Variants in PLXNA4 observed in about 807,000 individuals in gnomAD.
The protein encoded by PLXNA4 is plexin-A4.
In PLXNA4, 44 loss-of-function variants were observed where a neutral mutation model predicts 191.8. The observed-to-expected ratio is 0.23, with a 90% confidence interval of 0.18 to 0.29. PLXNA4 has a LOEUF of 0.29. Among genes scored for constraint, PLXNA4 ranks in the 10% least tolerant of loss-of-function variants. PLXNA4 has a pLI of 1.00. For missense variants in PLXNA4, 1,800 were observed against 2,488.8 expected, an observed-to-expected ratio of 0.72 and a Z score of 5.89; for synonymous variants, 1,082 against 1,009.5, an observed-to-expected ratio of 1.07 and a Z score of -1.36.
At chr7:132,291,514 G>C (rs1485489167) in intron 4 of PLXNA4, among the ~76,000 whole-genome samples, 1 of 152,170 alleles carries the variant, frequency 6.6e-6, no homozygotes, top group Non-Finnish European at 1.5e-5. Flanking sequence ...GCTTGGCTCA[G>C]AGCAGGTGCT....
At chr7:132,542,375 G>C (rs1800122414) in intron 1 of PLXNA4, among the ~76,000 whole-genome samples, 1 of 152,210 alleles carries the variant, frequency 6.6e-6, no homozygotes, top group Non-Finnish European at 1.5e-5. Flanking sequence ...TGGGGGAATA[G>C]TATAGGCCAA....
chr7:132,308,898 G>A (rs946610193), intron 3 of PLXNA4, among the ~76,000 whole-genome samples: 3 of 152,036 alleles, frequency 2.0e-5, no homozygotes, highest in African/African-American at 7.2e-5. Flanking sequence ...AGGTTAGAAG[G>A]TTTCTATATG....
intron 1 of PLXNA4, among the ~76,000 whole-genome samples, chr7:132,533,098 A>G (rs1799690228): frequency 6.6e-6 from 1 of 152,212 alleles, no homozygotes; most frequent in Non-Finnish European, 1.5e-5. Flanking sequence ...CTGTATACAC[A>G]TTATCATTAT....
At chr7:132,488,803 C>T (rs1045998600) in intron 3 of PLXNA4, among the ~76,000 whole-genome samples, 5 of 152,186 alleles carry the variant, frequency 3.3e-5, no homozygotes, top group Admixed American at 6.5e-5. Flanking sequence ...GTTTTCTCAG[C>T]CCACAACTTG....
chr7:132,574,469 G>A (rs1034694302), intron 1 of PLXNA4, among the ~76,000 whole-genome samples: 2 of 152,262 alleles, frequency 1.3e-5, no homozygotes, highest in African/African-American at 2.4e-5. Context: ...CAGCCCGGAA[G>A]ACAGAGGTGG....
chr7:132,159,858 C>T (rs566536162), intron 24 of PLXNA4, among the ~76,000 whole-genome samples: 32 of 152,264 alleles, frequency 2.1e-4, no homozygotes, highest in African/African-American at 7.0e-4. Context: ...TGAGGGAGTG[C>T]GAGCTGCACA....
chr7:132,274,014 A>T (rs999170325), intron 4 of PLXNA4, among the ~76,000 whole-genome samples: 1 of 150,738 alleles, frequency 6.6e-6, no homozygotes, highest in Non-Finnish European at 1.5e-5. Flanking sequence ...TAAAAAAAAA[A>T]GGGGGCAACA....
At chr7:132,509,347 C>T (rs1188494077) in intron 1 of PLXNA4, among the ~76,000 whole-genome samples, 1 of 152,224 alleles carries the variant, frequency 6.6e-6, no homozygotes, top group Non-Finnish European at 1.5e-5. Flanking sequence ...CTCACTATTA[C>T]TATCCACCCA....
chr7:132,236,746 C>G (rs1455610730), intron 5 of PLXNA4, among the ~76,000 whole-genome samples: 1 of 152,152 alleles, frequency 6.6e-6, no homozygotes, highest in Non-Finnish European at 1.5e-5. Context: ...AGCAATTAAA[C>G]CTCCCACTCT....
At chr7:132,379,798 C>A (rs1390389826) in intron 3 of PLXNA4, among the ~76,000 whole-genome samples, 1 of 152,236 alleles carries the variant, frequency 6.6e-6, no homozygotes, top group Admixed American at 6.5e-5. Flanking sequence ...CACAGTCACT[C>A]TGCAAATTTC....
chr7:132,189,407 G>A (rs773577797), intron 14 of PLXNA4, among the ~76,000 whole-genome samples: 65 of 152,150 alleles, frequency 4.3e-4, no homozygotes, highest in Non-Finnish European at 8.4e-4. Flanking sequence ...GTAGAGGGAA[G>A]GGGGAAAGCA....
At chr7:132,301,899 C>T (rs539443823) in intron 3 of PLXNA4, among the ~76,000 whole-genome samples, 1 of 152,336 alleles carries the variant, frequency 6.6e-6, no homozygotes, top group East Asian at 1.9e-4. Flanking sequence ...TCATTCTCAT[C>T]TTCCTGATGA....
At chr7:132,529,903 C>T (rs1033744443) in intron 1 of PLXNA4, among the ~76,000 whole-genome samples, 6 of 152,256 alleles carry the variant, frequency 3.9e-5, no homozygotes, top group East Asian at 3.9e-4. Context: ...CCGCGCCTGG[C>T]CCCCCTAATG....
intron 2 of PLXNA4, among the ~76,000 whole-genome samples, chr7:132,625,070 C>G (rs77833393): frequency 6.6e-6 from 1 of 152,184 alleles, no homozygotes; most frequent in African/African-American, 2.4e-5. Context: ...TTGGCCTTCA[C>G]GATTTTTTCT....
At chr7:132,401,458 G>C (rs1324583390) in intron 3 of PLXNA4, among the ~76,000 whole-genome samples, 1 of 152,202 alleles carries the variant, frequency 6.6e-6, no homozygotes, top group Admixed American at 6.5e-5. Flanking sequence ...GGGAAGGTGA[G>C]ACACACACAT....
At chr7:132,480,762 C>T (rs933569875) in intron 3 of PLXNA4, among the ~76,000 whole-genome samples, 6 of 152,322 alleles carry the variant, frequency 3.9e-5, no homozygotes, top group South Asian at 2.1e-4. Flanking sequence ...ACCTCCCACT[C>T]GGCCACGGGA....
intron 3 of PLXNA4, among the ~76,000 whole-genome samples, chr7:132,483,801 AACAGAATG>A (rs1563125565): frequency 6.6e-6 from 1 of 152,216 alleles, no homozygotes; most frequent in Non-Finnish European, 1.5e-5. Context: ...TCACTTGGAA[AACAGAATG>A]ACAAGTGTTC....
intron 3 of PLXNA4, among the ~76,000 whole-genome samples, chr7:132,378,160 T>C (rs1339676357): frequency 6.6e-6 from 1 of 152,220 alleles, no homozygotes; most frequent in East Asian, 1.9e-4. Flanking sequence ...TCAAGAGTCA[T>C]GACGGTACCT....
intron 3 of PLXNA4, among the ~76,000 whole-genome samples, chr7:132,481,441 C>A (rs1433807092): frequency 6.6e-6 from 1 of 152,020 alleles, no homozygotes; most frequent in African/African-American, 2.4e-5. Context: ...TCGGATTAGA[C>A]CGTGTGACCT....
Sources: gnomAD v4.1 joint callset for allele counts (sites outside exome capture counted in the v4.1 genomes callset) on GRCh38, gnomAD v4.1.1 for gene constraint, MANE v1.5 for transcripts, NCBI Gene and HGNC (gene_info 2026-07-23, HGNC 2026-07-21) for gene names.